Variants in TEKTL1 observed in about 807,000 individuals in gnomAD.
TEKTL1 encodes tektin-like protein 1.
the TEKTL1 span, chr19:15,020,778 G>A: frequency 1.2e-6 from 1 of 811,746 alleles, no homozygotes; most frequent in Non-Finnish European, 1.9e-6. Flanking sequence ...GTCAATGGGA[G>A]GACTGAAAGC....
At chr19:15,022,022 C>A in the TEKTL1 span, 2 of 910,616 alleles carry the variant, frequency 2.2e-6, no homozygotes, top group South Asian at 3.2e-5. Context: ...TCACCCAAGT[C>A]GGCCTGTCCT....
the TEKTL1 span, chr19:15,020,338 C>A: frequency 1.2e-6 from 1 of 804,314 alleles, no homozygotes; most frequent in Non-Finnish European, 1.9e-6. Flanking sequence ...GTGTCAGTTT[C>A]CGTTTAGAGG....
At chr19:15,022,259 G>A in the TEKTL1 span, among the ~76,000 whole-genome samples, 1 of 152,170 alleles carries the variant, frequency 6.6e-6, no homozygotes, top group African/African-American at 2.4e-5. Flanking sequence ...ATGAGTTCAT[G>A]CATGAAAGGT....
the TEKTL1 span, chr19:15,022,763 T>G: frequency 1.7e-6 from 2 of 1,187,374 alleles, no homozygotes; most frequent in Non-Finnish European, 2.3e-6. Flanking sequence ...TTCAGATGTG[T>G]TCCCCTCCTC....
chr19:15,023,107 C>T, the TEKTL1 span: 1 of 1,604,478 alleles, frequency 6.2e-7, no homozygotes, highest in South Asian at 1.1e-5. Flanking sequence ...GCAAGAGCAG[C>T]GCGGACCCCT....
the TEKTL1 span, chr19:15,013,842 C>A: frequency 3.3e-6 from 3 of 915,936 alleles, no homozygotes; most frequent in African/African-American, 1.6e-5. Context: ...AATGGACAAA[C>A]CACTCTGACC....
the TEKTL1 span, among the ~76,000 whole-genome samples, chr19:15,018,868 G>A: frequency 6.6e-6 from 1 of 151,080 alleles, no homozygotes; most frequent in African/African-American, 2.4e-5. Context: ...AGCCACGTTT[G>A]CAGGAATATC....
the TEKTL1 span, chr19:15,020,381 C>T: frequency 1.6e-6 from 2 of 1,243,682 alleles, no homozygotes. Flanking sequence ...AGGCTCAAGC[C>T]TGCAGCAGAG....
chr19:15,014,736 G>GGGGT, the TEKTL1 span, among the ~76,000 whole-genome samples: 1 of 118,512 alleles, frequency 8.4e-6, no homozygotes, highest in Non-Finnish European at 1.8e-5. Context: ...GGGGGCGGGG[G>GGGGT]GCGGGGGCTG....
the TEKTL1 span, chr19:15,020,477 G>T: frequency 5.6e-6 from 9 of 1,613,070 alleles, no homozygotes; most frequent in Non-Finnish European, 7.6e-6. Flanking sequence ...GCCTCCTGCC[G>T]AGACACTCTG....
At chr19:15,013,678 G>GACC in the TEKTL1 span, 1 of 1,612,362 alleles carries the variant, frequency 6.2e-7, no homozygotes, top group African/African-American at 1.3e-5. Context: ...CTAGGTCCCT[G>GACC]ACAAAGCTGA....
chr19:15,021,545 GC>G, the TEKTL1 span: 1 of 1,613,560 alleles, frequency 6.2e-7, no homozygotes, highest in Non-Finnish European at 8.5e-7. Flanking sequence ...GCGGCTGCGG[GC>G]CAGGGTGGGA....
At chr19:15,021,769 C>T in the TEKTL1 span, 1 of 1,611,580 alleles carries the variant, frequency 6.2e-7, no homozygotes, top group East Asian at 2.2e-5. Context: ...TGGCTGGAGG[C>T]TGGGTTTCAA....
chr19:15,017,162 C>A, the TEKTL1 span, among the ~76,000 whole-genome samples: 2 of 151,910 alleles, frequency 1.3e-5, no homozygotes, highest in Non-Finnish European at 2.9e-5. Flanking sequence ...TTTGAGGCCA[C>A]AGTGAGCCAG....
the TEKTL1 span, among the ~76,000 whole-genome samples, chr19:15,019,625 G>A: frequency 6.6e-6 from 1 of 152,134 alleles, no homozygotes; most frequent in Non-Finnish European, 1.5e-5. Flanking sequence ...ATGTAGACAT[G>A]TCTCTCCTAA....
At chr19:15,013,363 C>T in the TEKTL1 span, among the ~76,000 whole-genome samples, 2 of 152,176 alleles carry the variant, frequency 1.3e-5, no homozygotes, top group African/African-American at 4.8e-5. Context: ...CTCCCAGCCT[C>T]AGGGGGTGAG....
chr19:15,012,583 A>T, the TEKTL1 span, among the ~76,000 whole-genome samples: 3 of 152,110 alleles, frequency 2.0e-5, no homozygotes, highest in Non-Finnish European at 1.5e-5. Flanking sequence ...AAGATGATGG[A>T]TACAGGCCCA....
chr19:15,015,337 A>G, the TEKTL1 span, among the ~76,000 whole-genome samples: 1 of 152,174 alleles, frequency 6.6e-6, no homozygotes, highest in East Asian at 1.9e-4. Context: ...TCAAACCTCA[A>G]ATTGGCACTC....
chr19:15,011,309 G>A, the TEKTL1 span: 25 of 1,524,226 alleles, frequency 1.6e-5, no homozygotes, highest in Middle Eastern at 1.7e-4. Flanking sequence ...CGAGGTCACC[G>A]ACCACAGGCT....
Sources: allele counts gnomAD v4.1 joint callset (sites outside exome capture counted in the v4.1 genomes callset), GRCh38; gene constraint gnomAD v4.1.1; transcripts MANE v1.5; gene names NCBI Gene and HGNC (gene_info 2026-07-23, HGNC 2026-07-21).